Variants in DPYS observed in about 807,000 individuals in gnomAD.
The protein encoded by DPYS is dihydropyrimidine amidohydrolase.
In DPYS, 39 loss-of-function variants were observed where a neutral mutation model predicts 50.3. The ratio of observed to expected loss-of-function variants is 0.78; its 90% confidence interval spans 0.60 to 1.01. The LOEUF is 1.01. Ranked by LOEUF, DPYS falls within the 50% of genes least tolerant of loss-of-function variation. The probability of loss-of-function intolerance (pLI) is 0.00; values close to 1 mark genes in which losing one functional copy is unlikely to be tolerated. For synonymous variants in DPYS, 245 were observed against 250.7 expected (o/e 0.98, Z 0.22); for missense variants, 659 against 680.9 (o/e 0.97, Z 0.36).
rs1408876809 is a variant in DPYS at position 104,455,845 on chromosome 8, CT to C, written c.265-4442del. Among the ~76,000 whole-genome samples the C allele has an allele frequency of 2.0e-5, 3 of 152,032 alleles. No individual in the cohort carries two copies. The East Asian group carries it at 5.8e-4, about 29-fold the overall frequency. ...AATTCCAGGTCATTTTAATTTTCCCCTACTTCAATTTTATTTTCAATATTTG... is the reference window on the plus strand; with the variant it reads ...AATTCCAGGTCATTTTAATTTTCCCCACTTCAATTTTATTTTCAATATTTG... On this transcript the variant is annotated intron_variant, in intron 1 of 9. Transcript: ENST00000351513.
intron 6 of DPYS, among the ~76,000 whole-genome samples, chr8:104,426,971 C>T (rs112360570): frequency 1.3e-5 from 2 of 152,060 alleles, no homozygotes; most frequent in Non-Finnish European, 2.9e-5. Context: ...GAGGCGAAGG[C>T]GGGTGGATCA....
At chr8:104,449,140 C>A (rs1813641251) in intron 2 of DPYS, among the ~76,000 whole-genome samples, 1 of 152,094 alleles carries the variant, frequency 6.6e-6, no homozygotes, top group Admixed American at 6.5e-5. Context: ...GTGACAACAG[C>A]AAGGGACAGA....
In DPYS at chr8:104,379,692, C is replaced by T. The variant is rs1810967450; in HGVS notation, c.*166G>A. 1.2e-5 allele frequency: 5 copies of T among 417,852 alleles called. No individual in the cohort carries two copies. The highest frequency in any genetic ancestry group is 1.9e-5 in the Non-Finnish European group (4 of 210,242). 25.9% of individuals were successfully genotyped at this position (417,852 alleles called of 1,614,324 possible). A position where few individuals can be genotyped will look rare whatever the true frequency, so the allele number is the denominator to read the frequency against. ...AGCAACAAAAACACAGTGAGAAAGA[C>T]AGCAATTGCTTCTGAAAGAAAATCA... On this transcript the variant is annotated 3_prime_UTR_variant, in exon 10 of 10. Coordinates refer to ENST00000351513, the MANE Select transcript of DPYS (RefSeq NM_001385.3).
intron 6 of DPYS, among the ~76,000 whole-genome samples, chr8:104,427,334 A>G (rs1812765458): frequency 6.7e-6 from 1 of 149,608 alleles, no homozygotes; most frequent in South Asian, 2.1e-4. Flanking sequence ...GCTAGAGTGC[A>G]ATGGTGCCAT....
chr8:104,381,272 C>T lies in DPYS; in HGVS notation c.1486G>A (p.Glu496Lys). 1 of 1,614,200 alleles carries T rather than the reference C, an allele frequency of 6.2e-7. No individual in the cohort carries two copies. The highest frequency in any genetic ancestry group is 8.5e-7 in the Non-Finnish European group (1 of 1,180,032). The change falls in exon 9 of 10, where the codon GAA becomes AAA. Residue 496 changes from glutamate to lysine, a missense_variant. By Grantham distance (56) the Glu-to-Lys change is moderately conservative. Coordinates refer to ENST00000351513, the MANE Select transcript of DPYS (RefSeq NM_001385.3). Reference sequence around the variant, plus strand: ...ACTCTGGATTTCAGTGTGGCGACTTCTCCCTTATAGGGTGCACGCTCCACA... The same window carrying T: ...ACTCTGGATTTCAGTGTGGCGACTTTTCCCTTATAGGGTGCACGCTCCACA... ...TPVERAPYKG[E>K]VATLKSRVTK...
rs555163255 is a variant in DPYS, at chr8:104,451,388, C to T, written c.281G>A (p.Gly94Asp). The change falls in exon 2 of 10, where the codon GGC (glycine) becomes GAC (aspartate). Residue 94 changes from glycine to aspartate, a missense_variant. Transcript: ENST00000351513. ...GGCGAAATCAATAATCATGGTGGTG[C>T]CTCCTGAGAGAGCAGCCTGGAATCA... The part of the protein sequence containing the change: ...HQGTKAALSG[G>D]TTMIIDFAIP... 2.0e-5 allele frequency: 32 copies of T among 1,614,132 alleles called. No individual in the cohort carries two copies. Among genetic ancestry groups the T allele is most frequent in the Non-Finnish European group, 2.6e-5 (31 of 1,180,016 alleles).
Position 104,428,228 on chromosome 8 carries a change from A to G in DPYS, c.951-107T>C, listed in dbSNP as rs1812805424. Reference sequence around the variant, plus strand: ...CCTGGCTCCCTTCTCAATTGAAGTCAGAAAAATCCAATGGAGAATGAGCAG... The same window carrying G: ...CCTGGCTCCCTTCTCAATTGAAGTCGGAAAAATCCAATGGAGAATGAGCAG... On this transcript the variant is annotated intron_variant, in intron 5 of 9. Transcript: ENST00000351513. The G allele has an allele frequency of 1.3e-5, 19 of 1,478,376 alleles. No homozygotes were observed. In the South Asian group the frequency reaches 2.1e-4, roughly 16 times the overall value. 91.6% of individuals were successfully genotyped at this position (1,478,376 alleles called of 1,614,324 possible).
intron 7 of DPYS, among the ~76,000 whole-genome samples, chr8:104,409,358 G>A (rs1013669403): frequency 6.6e-5 from 10 of 152,004 alleles, no homozygotes; most frequent in Non-Finnish European, 8.8e-5. Context: ...GGTGGTGCAC[G>A]CCTGTAATTC....
At chr8:104,387,966 G>A (rs1027882711) in intron 8 of DPYS, among the ~76,000 whole-genome samples, 8 of 152,156 alleles carry the variant, frequency 5.3e-5, no homozygotes, top group African/African-American at 1.9e-4. Flanking sequence ...ACCACTGAAT[G>A]AAGAGTTGGG....
chr8:104,448,887 T>C (rs1443535353), intron 2 of DPYS, among the ~76,000 whole-genome samples: 1 of 152,198 alleles, frequency 6.6e-6, no homozygotes, highest in African/African-American at 2.4e-5. Context: ...TTGATGGTGC[T>C]TATCACCCGG....
intron 4 of DPYS, among the ~76,000 whole-genome samples, chr8:104,430,785 C>T (rs540597237): frequency 1.3e-5 from 2 of 152,272 alleles, no homozygotes; most frequent in East Asian, 3.9e-4. Context: ...AACTTCAATT[C>T]TTAAGTAACC....
chr8:104,444,800 A>C (rs755059710), intron 3 of DPYS, among the ~76,000 whole-genome samples: 6 of 152,218 alleles, frequency 3.9e-5, no homozygotes, highest in Admixed American at 6.5e-5. Flanking sequence ...ATAGCAGAGG[A>C]AACAATCAAC....
intron 6 of DPYS, among the ~76,000 whole-genome samples, chr8:104,427,440 G>T (rs990747773): frequency 6.6e-6 from 1 of 151,272 alleles, no homozygotes; most frequent in East Asian, 2.0e-4. Context: ...CACCATGCCC[G>T]GCTAACTTTT....
At chr8:104,410,389 T>C (rs1812134925) in intron 7 of DPYS, among the ~76,000 whole-genome samples, 1 of 152,042 alleles carries the variant, frequency 6.6e-6, no homozygotes, top group African/African-American at 2.4e-5. Flanking sequence ...ACCCTCAGAC[T>C]CTAGGGTGAC....
At chr8:104,456,910 C>A (rs575684182) in intron 1 of DPYS, among the ~76,000 whole-genome samples, 1 of 152,180 alleles carries the variant, frequency 6.6e-6, no homozygotes. Flanking sequence ...TAATATTACA[C>A]AAGATTTTGT....
At chr8:104,397,849 C>T (rs1194868811) in intron 7 of DPYS, among the ~76,000 whole-genome samples, 2 of 152,022 alleles carry the variant, frequency 1.3e-5, no homozygotes, top group South Asian at 4.2e-4. Context: ...TATTTGTAAC[C>T]CTGCCATCAG....
chr8:104,428,176 G>A, intron 5 of DPYS, 55 bp from the exon 6 acceptor site: 4 of 1,609,296 alleles, frequency 2.5e-6, no homozygotes, highest in Non-Finnish European at 3.4e-6. Context: ...TATGTTAGGA[G>A]GAAACTGCCA....
intron 7 of DPYS, among the ~76,000 whole-genome samples, chr8:104,395,556 C>A (rs1811551237): frequency 1.3e-5 from 2 of 152,274 alleles, no homozygotes; most frequent in Middle Eastern, 3.4e-3. Context: ...TAAGTAGAAT[C>A]ATAGAGTATG....
At chr8:104,448,391 A>T (rs1467261105) in intron 2 of DPYS, among the ~76,000 whole-genome samples, 2 of 152,054 alleles carry the variant, frequency 1.3e-5, no homozygotes, top group East Asian at 3.9e-4. Flanking sequence ...CCCGACCTCA[A>T]GTCATCTGCC....
Sources: gnomAD v4.1 joint callset for allele counts (sites outside exome capture counted in the v4.1 genomes callset) on GRCh38, gnomAD v4.1.1 for gene constraint, MANE v1.5 for transcripts, NCBI Gene and HGNC (gene_info 2026-07-23, HGNC 2026-07-21) for gene names.